TBC1D30: variants seen among roughly 807,000 people sequenced by gnomAD.
The protein encoded by TBC1D30 is TBC1 domain family member 30.
Under a neutral mutation model 63.2 loss-of-function variants are expected in TBC1D30, and 31 were observed. The ratio of observed to expected loss-of-function variants is 0.49; its 90% confidence interval spans 0.37 to 0.66. The LOEUF (loss-of-function observed/expected upper bound fraction) is 0.66, where lower values mean the gene tolerates loss of function less well. Ranked by LOEUF, TBC1D30 falls within the 30% of genes least tolerant of loss-of-function variation. The pLI, the probability that TBC1D30 is intolerant of heterozygous loss-of-function variation, is 0.00. For synonymous variants in TBC1D30, 307 were observed against 361.5 expected (o/e 0.85, Z 1.71); for missense variants, 810 against 953.6 (o/e 0.85, Z 1.98).
upstream of TBC1D30, among the ~76,000 whole-genome samples, chr12:64,824,011 C>T (rs953201820): frequency 6.7e-6 from 1 of 150,368 alleles, no homozygotes; most frequent in Non-Finnish European, 1.5e-5. Context: ...CCCCCACACC[C>T]TTTCTTTCAT....
At chr12:64,838,081 G>A (rs1040722273) in intron 6 of TBC1D30, among the ~76,000 whole-genome samples, 7 of 152,132 alleles carry the variant, frequency 4.6e-5, no homozygotes, top group Admixed American at 2.6e-4. Context: ...GGAGTACTAT[G>A]TTTTTTAATA....
intron 2 of TBC1D30, among the ~76,000 whole-genome samples, chr12:64,802,361 T>TC (rs1369061173): frequency 6.6e-6 from 1 of 151,930 alleles, no homozygotes; most frequent in Non-Finnish European, 1.5e-5. Context: ...ACGAAAAGGG[T>TC]CGCCCACATT....
chr12:64,775,391 A>G (rs896553645), intron 1 of TBC1D30, among the ~76,000 whole-genome samples: 5 of 152,214 alleles, frequency 3.3e-5, no homozygotes, highest in African/African-American at 9.6e-5. Context: ...GACCCATCTC[A>G]TGTGCAATGA....
In TBC1D30 at chr12:64,824,754, C is replaced by T. The variant is rs1490169810; in HGVS notation, c.-126C>T. Reference sequence around the variant, plus strand: ...CCCTCCAGCACCAGCCGGCTGTGCGCTCCCTGCTCCCACGGGCCGGTCAGC... The same window carrying T: ...CCCTCCAGCACCAGCCGGCTGTGCGTTCCCTGCTCCCACGGGCCGGTCAGC... On this transcript the variant is annotated 5_prime_UTR_variant, in exon 1 of 12. Coordinates refer to ENST00000539867, the MANE Select transcript of TBC1D30 (RefSeq NM_015279.2). 22 of 1,320,338 alleles carry T rather than the reference C, an allele frequency of 1.7e-5. No individual in the cohort carries two copies. Among genetic ancestry groups the T allele is most frequent in the Admixed American group, 2.7e-5 (1 of 37,246 alleles). The allele number at this position is 1,320,338 out of a possible 1,614,324, so 81.8% of individuals were successfully genotyped here.
chr12:64,820,810 C>T (rs1873845543), upstream of TBC1D30, among the ~76,000 whole-genome samples: 1 of 152,212 alleles, frequency 6.6e-6, no homozygotes, highest in Admixed American at 6.5e-5. Context: ...TGGGCCATCG[C>T]TGCTTTTAGA....
chr12:64,832,490 A>G (rs1288015227), intron 5 of TBC1D30, among the ~76,000 whole-genome samples, 186 bp downstream of exon 5: 1 of 152,264 alleles, frequency 6.6e-6, no homozygotes, highest in African/African-American at 2.4e-5. Flanking sequence ...GCTGCCAACT[A>G]TGAGGCAAAT....
intron 2 of TBC1D30, among the ~76,000 whole-genome samples, chr12:64,789,803 T>G (rs1871821340): frequency 6.6e-6 from 1 of 152,192 alleles, no homozygotes. Flanking sequence ...ATTTAACCAT[T>G]TAAGGATAAC....
At position 64,876,600 on chromosome 12, in the gene TBC1D30, A is replaced by C. The variant is rs1879102008; in HGVS notation, c.*812A>C. The C allele has an allele frequency of 2.8e-6, 1 of 354,530 alleles. No individual in the cohort carries two copies. The highest frequency in any genetic ancestry group is 5.6e-6 in the Non-Finnish European group (1 of 178,814). 22.0% of individuals were successfully genotyped at this position (354,530 alleles called of 1,614,324 possible). ...TGGTACGGATGACTTGATGGGCTCCATGCGGAGCCTGGCCTGCATCCCCCA... is the reference window on the plus strand; with the variant it reads ...TGGTACGGATGACTTGATGGGCTCCCTGCGGAGCCTGGCCTGCATCCCCCA... On this transcript the variant is annotated 3_prime_UTR_variant, in exon 12 of 12. Coordinates refer to ENST00000539867, the MANE Select transcript of TBC1D30 (RefSeq NM_015279.2).
rs895507592 is a variant in TBC1D30 at position 64,825,051 on chromosome 12, G to A, written c.154+18G>A. The A allele has an allele frequency of 2.2e-5, 33 of 1,525,356 alleles. No homozygotes were observed. The highest frequency in any genetic ancestry group is 2.4e-5 in the Non-Finnish European group (27 of 1,141,324). The allele number at this position is 1,525,356 out of a possible 1,614,324, so 94.5% of individuals were successfully genotyped here. Reference sequence around the variant, plus strand: ...GGAGCCGGGTGAGGACCCCAGGGCTGCAGATGGGGCGCTGTAAAGTAGCGC... The same window carrying A: ...GGAGCCGGGTGAGGACCCCAGGGCTACAGATGGGGCGCTGTAAAGTAGCGC... On this transcript the variant is annotated intron_variant, in intron 1 of 11. Coordinates refer to ENST00000539867, the MANE Select transcript of TBC1D30 (RefSeq NM_015279.2).
At chr12:64,777,656 C>A (rs541933341), upstream of TBC1D30, among the ~76,000 whole-genome samples, 1 of 152,320 alleles carries the variant, frequency 6.6e-6, no homozygotes, top group South Asian at 2.1e-4. Flanking sequence ...TAGGAAGAAT[C>A]AATATCATTA....
intron 1 of TBC1D30, among the ~76,000 whole-genome samples, chr12:64,761,653 A>T (rs1012442183): frequency 5.9e-5 from 9 of 152,210 alleles, no homozygotes; most frequent in Non-Finnish European, 1.2e-4. Flanking sequence ...TCAGGAAGGT[A>T]CCCTCTCTGG....
chr12:64,860,617 G>T (rs944092816), intron 8 of TBC1D30, among the ~76,000 whole-genome samples: 3 of 152,174 alleles, frequency 2.0e-5, no homozygotes, highest in African/African-American at 7.2e-5. Context: ...AAACTGGACT[G>T]TGTAAGAAAC....
At chr12:64,768,705 C>T (rs1870803165) in intron 1 of TBC1D30, 1 of 152,156 alleles carries the variant, frequency 6.6e-6, no homozygotes, top group African/African-American at 2.4e-5. Context: ...TAGTTGAAAG[C>T]AATGTCAGTG....
At chr12:64,870,899 A>G (rs988019584) in intron 11 of TBC1D30, 91 bp downstream of exon 11, 6 of 1,266,084 alleles carry the variant, frequency 4.7e-6, no homozygotes, top group African/African-American at 4.4e-5. Context: ...TGGAATTACT[A>G]ACTGTAGCTC....
At chr12:64,786,418 G>A (rs1038113637) in intron 2 of TBC1D30, among the ~76,000 whole-genome samples, 3 of 151,994 alleles carry the variant, frequency 2.0e-5, no homozygotes, top group Non-Finnish European at 4.4e-5. Context: ...TACAACCTCC[G>A]CCTCCCAGGT....
chr12:64,828,622 ATTAT>A, intron 3 of TBC1D30, 113 bp downstream of exon 3: 1 of 678,664 alleles, frequency 1.5e-6, no homozygotes, highest in Non-Finnish European at 2.5e-6. Flanking sequence ...ACCTGTCTTG[ATTAT>A]TCATTCATGC....
In TBC1D30 at chr12:64,843,430, G is replaced by A. The variant is rs1035097359; in HGVS notation, c.983G>A (p.Arg328His). The change falls in exon 8 of 12, where the codon CGC becomes CAC. Residue 328 changes from arginine (R) to histidine (H), a missense_variant. By Grantham distance (29) the Arg-to-His change is conservative. Coordinates refer to ENST00000539867, the MANE Select transcript of TBC1D30 (RefSeq NM_015279.2). ...TADEFYSTMG[R>H]LTQEMLENDL... Reference sequence around the variant, plus strand: ...GATGAATTCTACAGCACCATGGGGCGCCTTACCCAGGAGATGCTAGAGAAT... The same window carrying A: ...GATGAATTCTACAGCACCATGGGGCACCTTACCCAGGAGATGCTAGAGAAT... 3.9e-6 allele frequency: 6 copies of A among 1,536,286 alleles called. No homozygotes were observed. The highest frequency in any genetic ancestry group is 1.2e-5 in the South Asian group (1 of 84,066).
At chr12:64,825,258 C>G (rs892503793) in intron 1 of TBC1D30, 1 of 498,390 alleles carries the variant, frequency 2.0e-6, no homozygotes, top group African/African-American at 2.0e-5. Context: ...GCGGAGAACC[C>G]GCTGCTTCCA....
chr12:64,766,548 A>G, intron 1 of TBC1D30, among the ~76,000 whole-genome samples: 1 of 152,208 alleles, frequency 6.6e-6, no homozygotes, highest in South Asian at 2.1e-4. Context: ...AAATTCTTGA[A>G]GTAAAAACTG....
Sources: gnomAD v4.1 joint callset for allele counts (sites outside exome capture counted in the v4.1 genomes callset) on GRCh38, gnomAD v4.1.1 for gene constraint, MANE v1.5 for transcripts, NCBI Gene and HGNC (gene_info 2026-07-23, HGNC 2026-07-21) for gene names.